Variants in PPP1R3A observed in about 807,000 individuals in gnomAD.
The protein encoded by PPP1R3A is RG1.
A neutral mutation model predicts 41.7 loss-of-function variants in PPP1R3A; 29 were observed. The observed-to-expected ratio is 0.70, with a 90% CI of 0.52 to 0.95. The LOEUF is 0.95. Ranked by LOEUF, PPP1R3A falls within the 40% of genes least tolerant of loss-of-function variation. The probability of loss-of-function intolerance (pLI) is 0.00; values close to 1 mark genes in which losing one functional copy is unlikely to be tolerated. For synonymous variants in PPP1R3A, 485 were observed against 453.4 expected, an observed-to-expected ratio of 1.07 and a Z score of -0.89; for missense variants, 1,352 against 1,292.4, an observed-to-expected ratio of 1.05 and a Z score of -0.71.
At chr7:113,902,737 A>ATT (rs1438924513) in intron 1 of PPP1R3A, among the ~76,000 whole-genome samples, 1 of 151,872 alleles carries the variant, frequency 6.6e-6, no homozygotes, top group Non-Finnish European at 1.5e-5. Flanking sequence ...AAGAACACTC[A>ATT]TTCTGCTTAT....
At chr7:113,899,614 C>T (rs1248792112) in intron 1 of PPP1R3A, among the ~76,000 whole-genome samples, 2 of 151,722 alleles carry the variant, frequency 1.3e-5, no homozygotes, top group African/African-American at 4.8e-5. Flanking sequence ...TAAATTATAA[C>T]TCAAAACACC....
At chr7:113,907,872 A>G (rs901096119) in intron 1 of PPP1R3A, among the ~76,000 whole-genome samples, 2 of 151,850 alleles carry the variant, frequency 1.3e-5, no homozygotes, top group African/African-American at 2.4e-5. Flanking sequence ...ACACAAAAAT[A>G]TCTGGTAAGT....
intron 1 of PPP1R3A, among the ~76,000 whole-genome samples, chr7:113,892,472 A>G (rs1369749874): frequency 2.6e-5 from 4 of 152,104 alleles, no homozygotes. Flanking sequence ...GGAAGAAAGT[A>G]AAGACTTATA....
chr7:113,894,954 G>C (rs1342304587), intron 1 of PPP1R3A, among the ~76,000 whole-genome samples: 1 of 151,904 alleles, frequency 6.6e-6, no homozygotes, highest in Non-Finnish European at 1.5e-5. Flanking sequence ...GAATACAGGA[G>C]GACATGAGAC....
At chr7:113,898,920 T>A (rs946499292) in intron 1 of PPP1R3A, among the ~76,000 whole-genome samples, 2 of 151,792 alleles carry the variant, frequency 1.3e-5, no homozygotes, top group African/African-American at 2.4e-5. Context: ...TACAATTCAG[T>A]ATTGTCTTTT....
At chr7:113,916,719 T>G (rs1219637754) in intron 1 of PPP1R3A, among the ~76,000 whole-genome samples, 5 of 152,110 alleles carry the variant, frequency 3.3e-5, no homozygotes, top group Middle Eastern at 3.2e-3. Flanking sequence ...TCTAAAGTAT[T>G]TAATATGTAT....
At chr7:113,916,155 G>T (rs1402761408) in intron 1 of PPP1R3A, among the ~76,000 whole-genome samples, 2 of 151,970 alleles carry the variant, frequency 1.3e-5, no homozygotes, top group Non-Finnish European at 2.9e-5. Context: ...AATTATGTTG[G>T]TCATTTTTAA....
chr7:113,878,731 A>C lies in PPP1R3A; in HGVS notation c.2361T>G (p.Leu787=), dbSNP rs1461113289. ...TTACACCTACTGTATCTCGTTGACA[A>C]AGGGTATAATGTGAATCATCATTTC... ...EGRNDDSHYT[L]CQRDTVGVIY... The change falls in exon 4 of 4, where the codon CTT becomes CTG. Residue 787 remains leucine (L), a synonymous_variant. Coordinates refer to ENST00000284601, the MANE Select transcript of PPP1R3A (RefSeq NM_002711.4). 3 of 1,613,344 alleles carry C rather than the reference A, an allele frequency of 1.9e-6. No homozygotes were observed. Among genetic ancestry groups the C allele is most frequent in the Non-Finnish European group, 1.7e-6 (2 of 1,179,702 alleles).
Position 113,879,800 on chromosome 7 carries a change from T to C in PPP1R3A, c.1292A>G (p.His431Arg). 1 of 1,613,574 alleles carries C rather than the reference T, an allele frequency of 6.2e-7. No homozygotes were observed. The highest frequency in any genetic ancestry group is 8.5e-7 in the Non-Finnish European group (1 of 1,179,702). The stretch of plus-strand genomic sequence containing the variant: ...ATCCAGGACTTCTTTGCTGCCAGTA[T>C]GTAATTGCACTAGTTCATCACTACT... ...DTSSDELVQL[H>R]TGSKEVLDDN... Residue 431 changes from histidine (H) to arginine (R), a missense_variant, in exon 4 of 4, where the codon CAT becomes CGT. Transcript: ENST00000284601.
intron 1 of PPP1R3A, among the ~76,000 whole-genome samples, chr7:113,915,171 C>A (rs906815708): frequency 6.6e-6 from 1 of 151,978 alleles, no homozygotes. Flanking sequence ...CCAAAGTGTA[C>A]AGACTATCAG....
At chr7:113,907,363 G>T (rs1297002904) in intron 1 of PPP1R3A, among the ~76,000 whole-genome samples, 1 of 151,672 alleles carries the variant, frequency 6.6e-6, no homozygotes, top group African/African-American at 2.4e-5. Context: ...ATGGTTACCT[G>T]ATGAGGCAGC....
chr7:113,918,262 T>C lies in PPP1R3A; in HGVS notation c.735A>G (p.Lys245=). 6.2e-7 allele frequency: 1 copy of C among 1,607,698 alleles called. No individual in the cohort carries two copies. ...EQEPEPVKPW[K]EVPNRQIKGC... is the part of the protein sequence containing the mutation. ...CTTTTATTTGTCTGTTAGGAACTTC[T>C]TTCCATGGTTTTACAGGCTCCGGCT... Residue 245 remains lysine, a synonymous_variant, in exon 1 of 4, where the codon AAA becomes AAG. Transcript: ENST00000284601.
intron 1 of PPP1R3A, among the ~76,000 whole-genome samples, chr7:113,885,971 T>C (rs563075149): frequency 6.7e-6 from 1 of 150,344 alleles, no homozygotes; most frequent in Admixed American, 6.7e-5. Flanking sequence ...AGTAATTTTA[T>C]TTACATATAT....
intron 1 of PPP1R3A, among the ~76,000 whole-genome samples, chr7:113,899,158 T>G (rs2129117990): frequency 6.6e-6 from 1 of 151,768 alleles, no homozygotes; most frequent in Non-Finnish European, 1.5e-5. Context: ...ACTTAAAAAT[T>G]CTCCCTTAAA....
chr7:113,909,706 T>A (rs1180148160), intron 1 of PPP1R3A, among the ~76,000 whole-genome samples: 1 of 152,100 alleles, frequency 6.6e-6, no homozygotes, highest in African/African-American at 2.4e-5. Flanking sequence ...TTATTTGACA[T>A]GGAAAATAGA....
At chr7:113,904,344 G>A (rs1419757811) in intron 1 of PPP1R3A, among the ~76,000 whole-genome samples, 1 of 151,572 alleles carries the variant, frequency 6.6e-6, no homozygotes, top group African/African-American at 2.4e-5. Context: ...ATGTGAAATG[G>A]GACTGGCTCT....
Position 113,879,597 on chromosome 7 carries a change from C to A in PPP1R3A, c.1495G>T (p.Glu499Ter). The change falls in exon 4 of 4, where the codon GAA (glutamate) becomes TAA (stop). Residue 499 changes from glutamate to a stop codon, truncating the protein, a stop_gained. Coordinates refer to ENST00000284601, the MANE Select transcript of PPP1R3A (RefSeq NM_002711.4). LOFTEE classifies it low-confidence loss of function (END_TRUNC). ...FHSDTSACLK[E>*]STEEGSSKED... ...TTAGAAGATCCTTCTTCTGTTGATT[C>A]TTTGAGACATGCCGACGTATCTGAA... 1 of 1,613,254 alleles carries A rather than the reference C, an allele frequency of 6.2e-7. No individual in the cohort carries two copies.
At chr7:113,891,213 G>A (rs538691934) in intron 1 of PPP1R3A, among the ~76,000 whole-genome samples, 8 of 149,996 alleles carry the variant, frequency 5.3e-5, no homozygotes, top group African/African-American at 1.7e-4. Flanking sequence ...ACCTCTCTGC[G>A]CCTCATTTTT....
intron 1 of PPP1R3A, among the ~76,000 whole-genome samples, chr7:113,891,052 C>A (rs1282905426): frequency 8.1e-6 from 1 of 124,050 alleles, no homozygotes; most frequent in Non-Finnish European, 1.6e-5. Flanking sequence ...AGTGTTCTTT[C>A]CATAAAGGGT....
Sources: allele counts gnomAD v4.1 joint callset (sites outside exome capture counted in the v4.1 genomes callset), GRCh38; gene constraint gnomAD v4.1.1; transcripts MANE v1.5; gene names NCBI Gene and HGNC (gene_info 2026-07-23, HGNC 2026-07-21).